Variants in SEC24B observed in about 807,000 individuals in gnomAD.
SEC24B encodes protein transport protein Sec24B.
SEC24B carries 45 observed loss-of-function variants against 142.8 expected under a neutral mutation model. The ratio of observed to expected loss-of-function variants is 0.32; its 90% CI spans 0.25 to 0.40. The LOEUF is 0.40. Among genes scored for constraint, SEC24B ranks in the 10% least tolerant of loss-of-function variants. The pLI is 1.00. For synonymous variants in SEC24B, 574 were observed against 568.2 expected (o/e 1.01, Z -0.15); for missense variants, 1,409 against 1,526.8 (o/e 0.92, Z 1.29).
intron 8 of SEC24B, among the ~76,000 whole-genome samples, chr4:109,510,665 A>G (rs1041845335): frequency 6.6e-6 from 1 of 152,244 alleles, no homozygotes; most frequent in East Asian, 1.9e-4. Flanking sequence ...AAATTTGTTA[A>G]TTCAACAAAT....
chr4:109,443,152 CCTTA>C (rs1378853913), intron 1 of SEC24B, among the ~76,000 whole-genome samples: 3 of 152,042 alleles, frequency 2.0e-5, no homozygotes, highest in Non-Finnish European at 4.4e-5. Flanking sequence ...CCAATGGTGA[CCTTA>C]CTTATTTTAC....
chr4:109,494,533 G>A, intron 5 of SEC24B, 82 bp from the exon 6 acceptor site: 2 of 1,552,180 alleles, frequency 1.3e-6, no homozygotes, highest in Non-Finnish European at 1.7e-6. Context: ...GGAAATGTCA[G>A]GGGTTATGGA....
intron 20 of SEC24B, among the ~76,000 whole-genome samples, chr4:109,531,815 C>T (rs573597880): frequency 6.6e-6 from 1 of 151,890 alleles, no homozygotes; most frequent in Non-Finnish European, 1.5e-5. Context: ...GTGGACATTT[C>T]CATTTATATT....
At chr4:109,451,826 C>G (rs1380094785) in intron 1 of SEC24B, among the ~76,000 whole-genome samples, 1 of 152,136 alleles carries the variant, frequency 6.6e-6, no homozygotes, top group East Asian at 1.9e-4. Context: ...TTGTGTCTAT[C>G]TGTATCTGTA....
Position 109,525,496 on chromosome 4 carries a change from G to T in SEC24B, c.2783G>T (p.Cys928Phe), listed in dbSNP as rs1355784543. The change falls in exon 16 of 24, where the codon TGT (cysteine) becomes TTT (phenylalanine). Residue 928 changes from cysteine to phenylalanine, a missense_variant. Cys to Phe is a radical substitution (Grantham distance 205, BLOSUM62 -2). Transcript: ENST00000265175. The part of the protein sequence containing the change: ...IGFEAVMRIR[C>F]TKGLSMHTFH... ...TTTGAAGCTGTTATGAGAATAAGGT[G>T]TACTAAAGGTATGAAGTTGTAAAAG... The T allele has an allele frequency of 6.3e-7, 1 of 1,595,352 alleles. No homozygotes were observed.
intron 1 of SEC24B, among the ~76,000 whole-genome samples, chr4:109,462,629 A>T (rs887761156): frequency 7.2e-5 from 11 of 152,184 alleles, no homozygotes; most frequent in Admixed American, 2.6e-4. Context: ...CATGGAAGTG[A>T]CATATCATCA....
chr4:109,538,095 G>A (rs1330551209), intron 22 of SEC24B, among the ~76,000 whole-genome samples: 1 of 152,154 alleles, frequency 6.6e-6, no homozygotes, highest in Non-Finnish European at 1.5e-5. Context: ...CAGAATGGCT[G>A]TTTTTAGAAT....
Position 109,441,948 on chromosome 4 carries a change from C to T in SEC24B, c.133+7946C>T, listed in dbSNP as rs562096531. Among the ~76,000 whole-genome samples, 10 of 152,276 alleles carry T rather than the reference C, an allele frequency of 6.6e-5. No homozygotes were observed. The South Asian group carries it at 2.1e-3, about 32-fold the overall frequency. On this transcript the variant is annotated intron_variant, in intron 1 of 23. Coordinates refer to ENST00000265175, the MANE Select transcript of SEC24B (RefSeq NM_006323.5). ...AGAAAGAATACAAGAAAACATTTCT[C>T]TCAGAGCTTGGGAAGAAGCTCTATA... is the stretch of plus-strand genomic sequence containing the variant.
intron 13 of SEC24B, 29 bp from the exon 14 acceptor site, chr4:109,521,391 A>G (rs926522460): frequency 3.9e-6 from 6 of 1,549,308 alleles, no homozygotes; most frequent in Non-Finnish European, 5.3e-6. Context: ...CCTTCTCAGT[A>G]ATTCAATTTT....
At chr4:109,513,687 G>GTA in intron 9 of SEC24B, 60 bp from the exon 10 acceptor site, 3 of 879,236 alleles carry the variant, frequency 3.4e-6, no homozygotes, top group Non-Finnish European at 5.8e-6. Context: ...TTTTAGGTGT[G>GTA]TATATATGTG....
chr4:109,529,649 G>GAA (rs2126091313), intron 18 of SEC24B, among the ~76,000 whole-genome samples: 1 of 152,306 alleles, frequency 6.6e-6, no homozygotes, highest in Non-Finnish European at 1.5e-5. Context: ...TGATACATGT[G>GAA]ACTTGGTGTT....
At chr4:109,494,583 AGTT>A (rs1279991905) in intron 5 of SEC24B, 29 bp from the exon 6 acceptor site, 3 of 1,610,496 alleles carry the variant, frequency 1.9e-6, no homozygotes, top group Non-Finnish European at 1.7e-6. Flanking sequence ...CTTGATTTTC[AGTT>A]GTTAACACCA....
intron 6 of SEC24B, among the ~76,000 whole-genome samples, chr4:109,497,184 C>G (rs1383020899): frequency 6.6e-6 from 1 of 152,218 alleles, no homozygotes; most frequent in African/African-American, 2.4e-5. Flanking sequence ...GATCATGTGG[C>G]TCTCAAAGCT....
At chr4:109,500,581 C>A (rs1242573814) in intron 6 of SEC24B, among the ~76,000 whole-genome samples, 2 of 147,734 alleles carry the variant, frequency 1.4e-5, no homozygotes, top group East Asian at 2.0e-4. Flanking sequence ...CCCACAGTTA[C>A]ATTTGCACCA....
intron 18 of SEC24B, among the ~76,000 whole-genome samples, chr4:109,527,997 A>T (rs542412791): frequency 1.9e-4 from 29 of 152,336 alleles, no homozygotes; most frequent in African/African-American, 6.5e-4. Flanking sequence ...TGGTACACTC[A>T]TACAATAGAA....
chr4:109,450,181 C>T (rs1722345879), intron 1 of SEC24B, among the ~76,000 whole-genome samples: 1 of 152,020 alleles, frequency 6.6e-6, no homozygotes, highest in Admixed American at 6.6e-5. Flanking sequence ...CCTTTGTAGT[C>T]CAGACTGGGT....
chr4:109,487,745 A>G (rs1187310266), intron 4 of SEC24B, among the ~76,000 whole-genome samples: 2 of 152,248 alleles, frequency 1.3e-5, no homozygotes, highest in African/African-American at 4.8e-5. Context: ...TATAACAATT[A>G]TCATTGCTTT....
At chr4:109,470,560 C>T (rs770754296) in intron 2 of SEC24B, among the ~76,000 whole-genome samples, 5 of 152,204 alleles carry the variant, frequency 3.3e-5, no homozygotes, top group Non-Finnish European at 5.9e-5. Flanking sequence ...ATATCCCTTG[C>T]TGCACACCTC....
intron 4 of SEC24B, among the ~76,000 whole-genome samples, chr4:109,484,501 T>C (rs1225143482): frequency 2.0e-5 from 3 of 152,154 alleles, no homozygotes; most frequent in African/African-American, 7.2e-5. Flanking sequence ...GGAGTTTCTT[T>C]GAGACTATTT....
Sources: allele counts gnomAD v4.1 joint callset (sites outside exome capture counted in the v4.1 genomes callset), GRCh38; gene constraint gnomAD v4.1.1; transcripts MANE v1.5; gene names NCBI Gene and HGNC (gene_info 2026-07-23, HGNC 2026-07-21).